The following ZNF329 variants were observed in gnomAD, a reference collection of about 807,000 sequenced individuals.
ZNF329 encodes zinc finger protein 329.
A neutral mutation model predicts 26.6 loss-of-function variants in ZNF329; 15 were observed. That is an observed-to-expected ratio of 0.56 (90% CI 0.38 to 0.87). The LOEUF (loss-of-function observed/expected upper bound fraction) is 0.87, where lower values mean the gene tolerates loss of function less well. Ranked by LOEUF, ZNF329 falls within the 40% of genes least tolerant of loss-of-function variation. The probability of loss-of-function intolerance (pLI) is 0.00; values close to 1 mark genes in which losing one functional copy is unlikely to be tolerated. For missense variants in ZNF329, 651 were observed against 651.9 expected, an observed-to-expected ratio of 1.00 and a Z score of 0.02; for synonymous variants, 239 against 233.5, an observed-to-expected ratio of 1.02 and a Z score of -0.21.
Position 58,129,159 on chromosome 19 carries a change from T to A in ZNF329, c.345A>T (p.Ala115=), listed in dbSNP as rs761971207. The A allele has an allele frequency of 6.2e-7, 1 of 1,614,216 alleles. No homozygotes were observed. Among genetic ancestry groups the A allele is most frequent in the African/African-American group, 1.3e-5 (1 of 75,054 alleles). The part of the protein sequence containing the change: ...PALPSYPKSY[A]DKRTGDSDAC... Reference sequence around the variant, plus strand: ...CATCACTGTCACCAGTTCTCTTATCTGCATAACTTTTAGGATAGCTGGGTA... The same window carrying A: ...CATCACTGTCACCAGTTCTCTTATCAGCATAACTTTTAGGATAGCTGGGTA... The change falls in exon 4 of 4, where the codon GCA becomes GCT. Residue 115 remains alanine, a synonymous_variant. Transcript: ENST00000598312.
In ZNF329 at chr19:58,127,928, G is replaced by A. The variant is rs1938558827; in HGVS notation, c.1576C>T (p.Leu526Phe). The A allele has an allele frequency of 1.9e-6, 3 of 1,611,960 alleles. No individual in the cohort carries two copies. The highest frequency in any genetic ancestry group is 8.5e-7 in the Non-Finnish European group (1 of 1,178,930). ...CGKMFQKSSS[L>F]VRHQRAHLGE... The stretch of plus-strand genomic sequence containing the variant: ...AGGTGTGCTCTTTGATGTCGAACAA[G>A]GGATGAGCTCTTTTGGAACATTTTT... The change falls in exon 4 of 4, where the codon CTT becomes TTT. Residue 526 changes from leucine (L) to phenylalanine (F), a missense_variant. Physicochemically the swap from Leu to Phe is conservative, Grantham distance 22. Transcript: ENST00000598312.
intron 3 of ZNF329, 43 bp from the exon 4 acceptor site, chr19:58,129,554 T>C: frequency 1.3e-6 from 2 of 1,488,970 alleles, no homozygotes; most frequent in Non-Finnish European, 1.8e-6. Context: ...TATGAAGCTT[T>C]ATCTGTAAGA....
In ZNF329 at chr19:58,129,060, T is replaced by C. The variant is rs116765266; in HGVS notation, c.444A>G (p.Lys148=). 1.5e-4 allele frequency: 245 copies of C among 1,614,032 alleles called. No homozygotes were observed. The highest frequency in any genetic ancestry group is 1.2e-3 in the Middle Eastern group (7 of 6,062). ...TAAAAGACTTAACACTTTCAGGGTA[T>C]TTGTAGGGCTTCTCTCTCACTGGAT... ...GRNPVREKPY[K]YPESVKSFNH... The change falls in exon 4 of 4, where the codon AAA becomes AAG. Residue 148 remains lysine (K), a synonymous_variant. Coordinates refer to ENST00000598312, the MANE Select transcript of ZNF329 (RefSeq NM_024620.4).
chr19:58,129,270 G>T lies in ZNF329; in HGVS notation c.234C>A (p.Asp78Glu). 6.2e-7 allele frequency: 1 copy of T among 1,614,204 alleles called. No individual in the cohort carries two copies. ...CCAGAACTCTCTGAGACGGTGGAAGGTCTGAGCTTGCAATCAAATGCTCCC... is the reference window on the plus strand; with the variant it reads ...CCAGAACTCTCTGAGACGGTGGAAGTTCTGAGCTTGCAATCAAATGCTCCC... ...GFGEHLIASSDLPPSQRVLAT... is the reference protein window; with the variant it reads ...GFGEHLIASSELPPSQRVLAT... The change falls in exon 4 of 4, where the codon GAC becomes GAA. Residue 78 changes from aspartate to glutamate, a missense_variant. By Grantham distance (45) the Asp-to-Glu change is conservative. Transcript: ENST00000598312.
chr19:58,140,806 G>A (rs934806390), intron 3 of ZNF329, among the ~76,000 whole-genome samples: 4 of 151,704 alleles, frequency 2.6e-5, no homozygotes, highest in Non-Finnish European at 2.9e-5. Flanking sequence ...CAATCTCCTG[G>A]GCTCAAGTGA....
chr19:58,127,671 A>G lies in ZNF329; in HGVS notation c.*207T>C. ...TCTGGTACAGACTGAATCATCCCCA[A>G]AGACTTTTCTGCCCTCATCCTAAGT... is the stretch of plus-strand genomic sequence containing the variant. On this transcript the variant is annotated 3_prime_UTR_variant, in exon 4 of 4. Transcript: ENST00000598312. 2.0e-6 allele frequency: 1 copy of G among 510,922 alleles called. No homozygotes were observed. Among genetic ancestry groups the G allele is most frequent in the Non-Finnish European group, 3.5e-6 (1 of 288,784 alleles). 31.6% of individuals were successfully genotyped at this position (510,922 alleles called of 1,614,324 possible).
upstream of ZNF329, among the ~76,000 whole-genome samples, chr19:58,153,097 G>C (rs1332729452): frequency 6.6e-6 from 1 of 152,066 alleles, no homozygotes; most frequent in Non-Finnish European, 1.5e-5. Flanking sequence ...TACTGTGCTG[G>C]CACAAGTGTA....
In ZNF329 at chr19:58,137,726, G is replaced by A. The variant is rs542958953; in HGVS notation, c.-9+4831C>T. On this transcript the variant is annotated intron_variant, in intron 3 of 3. Transcript: ENST00000598312. ...TACCTGTAATCCCAACACTTTGGGA[G>A]GCTAAGGCAGGTGGACTGCTTGAGG... Among the ~76,000 whole-genome samples, 76 of 151,268 alleles carry A rather than the reference G, an allele frequency of 5.0e-4. No homozygotes were observed. In the Middle Eastern group the frequency reaches 0.024, roughly 48 times the overall value.
chr19:58,136,260 A>T (rs1172665183), intron 3 of ZNF329, among the ~76,000 whole-genome samples: 1 of 151,942 alleles, frequency 6.6e-6, no homozygotes, highest in Non-Finnish European at 1.5e-5. Flanking sequence ...AGAAAAGGAA[A>T]ACACCTACAA....
At chr19:58,151,601 CA>C (rs555824584), upstream of ZNF329, among the ~76,000 whole-genome samples, 2,532 of 70,916 alleles carry the variant, frequency 0.036, 34 homozygotes, top group Admixed American at 0.1. Context: ...GACTTCGTCT[CA>C]AAAAAAAAAA....
At chr19:58,140,894 T>A (rs281062) in intron 3 of ZNF329, among the ~76,000 whole-genome samples, 82,675 of 144,242 alleles carry the variant, frequency 0.57, 23,615 homozygotes, top group South Asian at 0.63. Context: ...TTTTTTTGAG[T>A]TAGAATCTCA....
At chr19:58,136,701 A>AG (rs1555808031) in intron 3 of ZNF329, 1 of 133,796 alleles carries the variant, frequency 7.5e-6, no homozygotes, top group African/African-American at 2.6e-5. Context: ...AAAAAAAAAA[A>AG]AAAAAAAGGG....
Position 58,128,939 on chromosome 19 carries a change from A to G in ZNF329, c.565T>C (p.Ser189Pro). ...NFENIFTLSSSLNENQRNLPG... is the reference protein window; with the variant it reads ...NFENIFTLSSPLNENQRNLPG... ...AGATTTCTCTGGTTTTCATTAAGCGATGAGCTCAGAGTAAAGATGTTCTCA... is the reference window on the plus strand; with the variant it reads ...AGATTTCTCTGGTTTTCATTAAGCGGTGAGCTCAGAGTAAAGATGTTCTCA... Residue 189 changes from serine to proline, a missense_variant, in exon 4 of 4, where the codon TCG becomes CCG. Physicochemically the swap from Ser to Pro is moderately conservative, Grantham distance 74. Coordinates refer to ENST00000598312, the MANE Select transcript of ZNF329 (RefSeq NM_024620.4). The G allele has an allele frequency of 1.2e-6, 2 of 1,614,094 alleles. No homozygotes were observed. The highest frequency in any genetic ancestry group is 1.7e-6 in the Non-Finnish European group (2 of 1,180,014).
chr19:58,141,747 G>A (rs76798942), intron 3 of ZNF329, among the ~76,000 whole-genome samples: 23,708 of 152,034 alleles, frequency 0.16, 2,359 homozygotes, highest in East Asian at 0.3. Flanking sequence ...CAAAAAATTA[G>A]CCAGGCATGG....
chr19:58,128,096 G>T lies in ZNF329; in HGVS notation c.1408C>A (p.Leu470Met), dbSNP rs372231194. ...CGKAFRDSSC[L>M]TKHQRIHTKE... The stretch of plus-strand genomic sequence containing the variant: ...GTGTGAATTCTCTGGTGCTTGGTCA[G>T]ACAGGAGCTGTCCCTGAAGGCTTTG... The change falls in exon 4 of 4, where the codon CTG becomes ATG. Residue 470 changes from leucine (L) to methionine (M), a missense_variant. Leu to Met is a conservative substitution (Grantham distance 15). Transcript: ENST00000598312. 1 of 1,605,872 alleles carries T rather than the reference G, an allele frequency of 6.2e-7. No individual in the cohort carries two copies. Among genetic ancestry groups the T allele is most frequent in the South Asian group, 1.1e-5 (1 of 89,894 alleles).
At position 58,127,781 on chromosome 19, in the gene ZNF329, G is replaced by T; in HGVS notation, c.*97C>A. On this transcript the variant is annotated 3_prime_UTR_variant, in exon 4 of 4. Transcript: ENST00000598312. Reference sequence around the variant, plus strand: ...CATCAATTCACTGGATAGCTTAAAGGATTCTTTTCTACTGACCAGAGAGGA... The same window carrying T: ...CATCAATTCACTGGATAGCTTAAAGTATTCTTTTCTACTGACCAGAGAGGA... 1 of 1,199,006 alleles carries T rather than the reference G, an allele frequency of 8.3e-7. No individual in the cohort carries two copies. Among genetic ancestry groups the T allele is most frequent in the Non-Finnish European group, 1.2e-6 (1 of 850,092 alleles). The allele number at this position is 1,199,006 out of a possible 1,614,324, so 74.3% of individuals were successfully genotyped here.
intron 3 of ZNF329, among the ~76,000 whole-genome samples, chr19:58,134,662 G>A (rs1281766990): frequency 6.6e-6 from 1 of 152,116 alleles, no homozygotes; most frequent in Non-Finnish European, 1.5e-5. Context: ...CAGGCCGGGC[G>A]CGGTGGCTCA....
intron 1 of ZNF329, among the ~76,000 whole-genome samples, chr19:58,148,780 A>T (rs1361483165): frequency 6.6e-6 from 1 of 152,220 alleles, no homozygotes; most frequent in Non-Finnish European, 1.5e-5. Flanking sequence ...TCTATAACAT[A>T]CTTCCAGTAA....
At chr19:58,133,511 C>G (rs903921597) in intron 3 of ZNF329, among the ~76,000 whole-genome samples, 1 of 151,702 alleles carries the variant, frequency 6.6e-6, no homozygotes, top group Non-Finnish European at 1.5e-5. Context: ...TGCTTGAGCT[C>G]CAGGGGTTGA....
Sources: gnomAD v4.1 joint callset for allele counts (sites outside exome capture counted in the v4.1 genomes callset) on GRCh38, gnomAD v4.1.1 for gene constraint, MANE v1.5 for transcripts, NCBI Gene and HGNC (gene_info 2026-07-23, HGNC 2026-07-21) for gene names.